Variants in CCDC32 observed in about 807,000 individuals in gnomAD.
CCDC32 encodes the protein coiled-coil domain-containing protein 32.
CCDC32 carries 9 observed loss-of-function variants against 20.1 expected under a neutral mutation model. The observed-to-expected ratio is 0.45, with a 90% CI of 0.27 to 0.78. The LOEUF (loss-of-function observed/expected upper bound fraction) is 0.78. CCDC32 is among the 30% of genes least tolerant of loss of function. CCDC32 has a pLI of 0.16. For synonymous variants in CCDC32, 63 were observed against 79.0 expected, an observed-to-expected ratio of 0.80 and a Z score of 1.07; for missense variants, 204 against 215.5, an observed-to-expected ratio of 0.95 and a Z score of 0.33.
At chr15:40,561,182 A>G (rs546661734) in intron 2 of CCDC32, among the ~76,000 whole-genome samples, 3 of 152,122 alleles carry the variant, frequency 2.0e-5, no homozygotes, top group Non-Finnish European at 4.4e-5. Context: ...AGGTATACAA[A>G]GTGGTATATT....
chr15:40,535,254 C>A, downstream of CCDC32: 1 of 1,378,152 alleles, frequency 7.3e-7, no homozygotes, highest in Non-Finnish European at 9.4e-7. Context: ...ACATGAGAGG[C>A]AATGACTAAT....
chr15:40,534,244 GCCAGCAGGGT>G (rs914877181), downstream of CCDC32: 6 of 152,372 alleles, frequency 3.9e-5, no homozygotes, highest in African/African-American at 1.4e-4. Flanking sequence ...AGAATTGGGG[GCCAGCAGGGT>G]CCAGTTCTGG....
chr15:40,545,595 G>A (rs1889585833), intron 3 of CCDC32, among the ~76,000 whole-genome samples: 1 of 152,178 alleles, frequency 6.6e-6, no homozygotes, highest in African/African-American at 2.4e-5. Context: ...AGGAAAGGCT[G>A]GGGCTGGAGG....
chr15:40,560,049 G>T (rs1890513481), intron 2 of CCDC32, among the ~76,000 whole-genome samples: 1 of 152,144 alleles, frequency 6.6e-6, no homozygotes, highest in Non-Finnish European at 1.5e-5. Context: ...TCGCTCTGTT[G>T]CCCAGGCTAG....
At chr15:40,555,349 G>A (rs7178426) in intron 3 of CCDC32, among the ~76,000 whole-genome samples, 150,448 of 152,344 alleles carry the variant, frequency 0.99, 74,309 homozygotes, top group East Asian at 1. Context: ...TGATAAATAC[G>A]TAGGAACATG....
chr15:40,546,709 T>TA, intron 3 of CCDC32, among the ~76,000 whole-genome samples: 1 of 3,748 alleles, frequency 2.7e-4, no homozygotes, highest in East Asian at 0.014. Flanking sequence ...TGTTTTGCAA[T>TA]TTTTTTTTTT....
chr15:40,525,979 G>A (rs758156676), downstream of CCDC32, among the ~76,000 whole-genome samples: 82 of 150,686 alleles, frequency 5.4e-4, no homozygotes, highest in Non-Finnish European at 8.6e-4. Flanking sequence ...GCAAGTCACC[G>A]TGGATGGTGG....
chr15:40,533,344 A>C (rs1185022266), downstream of CCDC32, among the ~76,000 whole-genome samples: 2 of 151,952 alleles, frequency 1.3e-5, no homozygotes, highest in African/African-American at 4.8e-5. Flanking sequence ...GTCCTGCATT[A>C]TTATTATTTT....
chr15:40,555,193 G>A (rs976694332), intron 3 of CCDC32, among the ~76,000 whole-genome samples: 1 of 152,160 alleles, frequency 6.6e-6, no homozygotes, highest in African/African-American at 2.4e-5. Flanking sequence ...AATGTCAGAG[G>A]GCAATGAGAG....
chr15:40,551,536 C>T (rs942971567), downstream of CCDC32, among the ~76,000 whole-genome samples: 2 of 152,068 alleles, frequency 1.3e-5, no homozygotes, highest in African/African-American at 4.8e-5. Flanking sequence ...GAGAGCCACT[C>T]TCTGTGTCAC....
At chr15:40,560,305 G>A (rs1193670806) in intron 2 of CCDC32, among the ~76,000 whole-genome samples, 1 of 152,166 alleles carries the variant, frequency 6.6e-6, no homozygotes, top group African/African-American at 2.4e-5. Context: ...ACCGTGCCCG[G>A]CCTAGGCAAA....
At chr15:40,539,507 T>C (rs113548750) in intron 3 of CCDC32, among the ~76,000 whole-genome samples, 1,754 of 151,274 alleles carry the variant, frequency 0.012, 28 homozygotes, top group African/African-American at 0.041. Context: ...GCCTCAGCCG[T>C]GCAGGACTGC....
intron 2 of CCDC32, among the ~76,000 whole-genome samples, chr15:40,559,212 C>A (rs1890457866): frequency 6.6e-6 from 1 of 152,176 alleles, no homozygotes. Flanking sequence ...ACCTCAGCCC[C>A]CTGGTAGCTG....
In CCDC32 at chr15:40,554,096, G is replaced by T; in HGVS notation, c.433C>A (p.Pro145Thr). 6.2e-7 allele frequency: 1 copy of T among 1,613,958 alleles called. No homozygotes were observed. Among genetic ancestry groups the T allele is most frequent in the Non-Finnish European group, 8.5e-7 (1 of 1,179,944 alleles). Residue 145 changes from proline to threonine, a missense_variant, in exon 4 of 4, where the codon CCA (proline) becomes ACA (threonine). Coordinates refer to ENST00000416810, the MANE Select transcript of CCDC32 (RefSeq NM_001080792.4). ...TCTGTGCTGACGGCTACTTTATCTG[G>T]CTGGAGCCACCTCTTGAAATGTTCC... Reference protein sequence around the residue: ...TLEHFKRWLQPDKVAVSTEEV... With the variant: ...TLEHFKRWLQTDKVAVSTEEV...
At chr15:40,552,476 C>A (rs1595890044), downstream of CCDC32, among the ~76,000 whole-genome samples, 4 of 60,840 alleles carry the variant, frequency 6.6e-5, no homozygotes, top group Admixed American at 2.4e-4. Context: ...GGCAAAACTC[C>A]ATCTCAAAAA....
downstream of CCDC32, among the ~76,000 whole-genome samples, chr15:40,526,082 G>C (rs547452371): frequency 2.9e-4 from 44 of 152,142 alleles, no homozygotes; most frequent in African/African-American, 9.9e-4. Context: ...TGCCTGTGTG[G>C]GCCCACTGCG....
chr15:40,533,450 A>G (rs973984344), downstream of CCDC32, among the ~76,000 whole-genome samples: 1 of 152,036 alleles, frequency 6.6e-6, no homozygotes, highest in African/African-American at 2.4e-5. Flanking sequence ...CCTGGGTTCA[A>G]GCGATTCTCC....
chr15:40,525,545 C>T (rs1894890695), downstream of CCDC32, among the ~76,000 whole-genome samples: 1 of 152,190 alleles, frequency 6.6e-6, no homozygotes, highest in Non-Finnish European at 1.5e-5. Flanking sequence ...TCTAAAGCCA[C>T]ACTCTTTTAG....
chr15:40,551,110 C>T (rs571668285), downstream of CCDC32, among the ~76,000 whole-genome samples: 5 of 152,246 alleles, frequency 3.3e-5, no homozygotes, highest in African/African-American at 9.6e-5. Flanking sequence ...TGGCAGGGCA[C>T]GGTGGCTGAC....
Sources: gnomAD v4.1 joint callset for allele counts (sites outside exome capture counted in the v4.1 genomes callset) on GRCh38, gnomAD v4.1.1 for gene constraint, MANE v1.5 for transcripts, NCBI Gene and HGNC (gene_info 2026-07-23, HGNC 2026-07-21) for gene names.